The following RALYL variants were observed in gnomAD, a reference collection of about 807,000 sequenced individuals.
The protein encoded by RALYL is RNA-binding Raly-like protein.
Under a neutral mutation model 35.1 loss-of-function variants are expected in RALYL, and 29 were observed. The ratio of observed to expected loss-of-function variants is 0.83; its 90% CI spans 0.61 to 1.13. RALYL has a LOEUF of 1.13. Ranked by LOEUF, RALYL falls within the 50% of genes most tolerant of loss-of-function variation. The pLI is 0.00. For synonymous variants in RALYL, 120 were observed against 127.6 expected (o/e 0.94, Z 0.40); for missense variants, 359 against 360.4 (o/e 1.00, Z 0.03).
At chr8:84,521,306 G>T (rs564864009) in intron 1 of RALYL, among the ~76,000 whole-genome samples, 1 of 152,180 alleles carries the variant, frequency 6.6e-6, no homozygotes, top group East Asian at 1.9e-4. Context: ...AGCTTGATCT[G>T]GGACTTCCCA....
intron 1 of RALYL, among the ~76,000 whole-genome samples, chr8:84,374,391 A>G (rs547692005): frequency 3.3e-5 from 5 of 152,044 alleles, no homozygotes; most frequent in Non-Finnish European, 5.9e-5. Context: ...ATCAATAACT[A>G]TTTTACTGAT....
intron 7 of RALYL, among the ~76,000 whole-genome samples, chr8:84,881,022 A>T (rs77245125): frequency 0.05 from 7,550 of 152,062 alleles, 603 homozygotes; most frequent in African/African-American, 0.17. Context: ...TTAGATTTAA[A>T]TAAACACAAT....
At chr8:84,402,112 TC>T (rs2042978272) in intron 1 of RALYL, among the ~76,000 whole-genome samples, 1 of 152,220 alleles carries the variant, frequency 6.6e-6, no homozygotes, top group Non-Finnish European at 1.5e-5. Context: ...CATTCTGCTT[TC>T]CGTGTGAGTT....
intron 1 of RALYL, among the ~76,000 whole-genome samples, chr8:84,301,440 T>C (rs1240733763): frequency 6.6e-6 from 1 of 152,076 alleles, no homozygotes; most frequent in Admixed American, 6.6e-5. Context: ...TGTAGTGAGA[T>C]TGGGGAAATT....
intron 4 of RALYL, among the ~76,000 whole-genome samples, chr8:84,834,329 AAGTTGAAG>A: frequency 6.6e-6 from 1 of 152,312 alleles, no homozygotes; most frequent in Admixed American, 6.5e-5. Context: ...GGGAAAAATG[AAGTTGAAG>A]AGAGCCTCTC....
At chr8:84,440,497 G>A (rs950206233) in intron 1 of RALYL, among the ~76,000 whole-genome samples, 1 of 152,038 alleles carries the variant, frequency 6.6e-6, no homozygotes, top group Admixed American at 6.6e-5. Flanking sequence ...CTCAGGAAAT[G>A]CAGCAACTCT....
At chr8:84,833,380 G>A (rs1197896053) in intron 4 of RALYL, among the ~76,000 whole-genome samples, 1 of 152,116 alleles carries the variant, frequency 6.6e-6, no homozygotes, top group African/African-American at 2.4e-5. Context: ...GCTCATGCCT[G>A]TAATCCCAGC....
chr8:84,424,050 G>T (rs1203442002), intron 1 of RALYL, among the ~76,000 whole-genome samples: 1 of 152,012 alleles, frequency 6.6e-6, no homozygotes, highest in Non-Finnish European at 1.5e-5. Context: ...TTCTTGAGGA[G>T]TATCTTTGTG....
At chr8:84,347,692 A>G (rs1341042855) in intron 1 of RALYL, among the ~76,000 whole-genome samples, 3 of 152,124 alleles carry the variant, frequency 2.0e-5, no homozygotes, top group African/African-American at 7.2e-5. Flanking sequence ...AAAATAAAAT[A>G]TGCATAAACT....
At chr8:84,612,777 A>T (rs747933419) in intron 2 of RALYL, among the ~76,000 whole-genome samples, 1 of 151,684 alleles carries the variant, frequency 6.6e-6, no homozygotes, top group Non-Finnish European at 1.5e-5. Flanking sequence ...TGAATAAACT[A>T]GGTATAAAAA....
intron 3 of RALYL, among the ~76,000 whole-genome samples, chr8:84,801,344 A>G (rs1823210888): frequency 6.6e-6 from 1 of 152,238 alleles, no homozygotes; most frequent in East Asian, 1.9e-4. Flanking sequence ...ACCATCGGCA[A>G]CATTCTCCCC....
chr8:84,468,595 C>A (rs1358028364), intron 1 of RALYL, among the ~76,000 whole-genome samples: 1 of 148,108 alleles, frequency 6.8e-6, no homozygotes, highest in East Asian at 2.0e-4. Context: ...TTCATTTCAA[C>A]TTTGGTGAAT....
At chr8:84,311,406 A>G (rs145572246) in intron 1 of RALYL, among the ~76,000 whole-genome samples, 6 of 152,256 alleles carry the variant, frequency 3.9e-5, no homozygotes, top group East Asian at 3.9e-4. Context: ...AAAATCTACT[A>G]TAAACAAAAT....
rs766504736 is a variant in RALYL at position 84,735,809 on chromosome 8, C to CGTGA, written c.257-38769_257-38768insTGAG. ...CCCCATTCCTTAAGATCATCCAAAC[C>CGTGA]GCGAGAGAGAGAGAGAGAGAGAGAG... On this transcript the variant is annotated intron_variant, in intron 2 of 8. Transcript: ENST00000521268. 3.2e-3 allele frequency among the ~76,000 whole-genome samples: 380 copies of CGTGA among 119,104 alleles called. 4 individuals carry two copies. The highest frequency in any genetic ancestry group is 0.018 in the East Asian group (78 of 4,410). The allele number at this position is 119,104 out of a possible 152,430, so 78.1% of individuals were successfully genotyped here.
intron 1 of RALYL, among the ~76,000 whole-genome samples, chr8:84,522,544 C>T (rs574905029): frequency 5.3e-5 from 8 of 152,216 alleles, no homozygotes; most frequent in South Asian, 2.1e-4. Context: ...CCACCGCGCC[C>T]GGCCTAGAAA....
chr8:84,565,006 G>A (rs1377478289), intron 2 of RALYL, among the ~76,000 whole-genome samples: 1 of 151,516 alleles, frequency 6.6e-6, no homozygotes, highest in Non-Finnish European at 1.5e-5. Flanking sequence ...TATTCATTTT[G>A]TTAATGTGCT....
intron 4 of RALYL, 141 bp from the exon 5 acceptor site, chr8:84,849,839 G>A: frequency 2.0e-6 from 1 of 507,496 alleles, no homozygotes; most frequent in Non-Finnish European, 3.5e-6. Flanking sequence ...ACATTATCTT[G>A]GAAGGTCCTT....
At chr8:84,774,457 A>T (rs1816344976) in intron 2 of RALYL, 122 bp from the exon 3 acceptor site, 10 of 671,218 alleles carry the variant, frequency 1.5e-5, no homozygotes, top group Non-Finnish European at 2.3e-5. Flanking sequence ...ATGTTGAATG[A>T]ATCAATGGTG....
At chr8:84,275,194 C>A (rs955299366) in intron 1 of RALYL, among the ~76,000 whole-genome samples, 1 of 152,110 alleles carries the variant, frequency 6.6e-6, no homozygotes, top group African/African-American at 2.4e-5. Flanking sequence ...TCTGTGCTTG[C>A]ATTAGAGCCA....
Sources: allele counts gnomAD v4.1 joint callset (sites outside exome capture counted in the v4.1 genomes callset), GRCh38; gene constraint gnomAD v4.1.1; transcripts MANE v1.5; gene names NCBI Gene and HGNC (gene_info 2026-07-23, HGNC 2026-07-21).